The following EYA4 variants were observed in gnomAD, a reference collection of about 807,000 sequenced individuals.
EYA4 encodes the protein EYA transcriptional coactivator and phosphatase 4.
A neutral mutation model predicts 87.9 loss-of-function variants in EYA4; 31 were observed. That is an observed-to-expected ratio of 0.35 (90% CI 0.27 to 0.48). EYA4 has a LOEUF of 0.48. Ranked by LOEUF, EYA4 falls within the 20% of genes least tolerant of loss-of-function variation. EYA4 has a pLI of 0.99. For synonymous variants in EYA4, 263 were observed against 270.6 expected, an observed-to-expected ratio of 0.97 and a Z score of 0.28; for missense variants, 678 against 761.4, an observed-to-expected ratio of 0.89 and a Z score of 1.29.
At chr6:133,497,139 T>G (rs1187336847) in intron 13 of EYA4, among the ~76,000 whole-genome samples, 5 of 152,164 alleles carry the variant, frequency 3.3e-5, no homozygotes, top group Admixed American at 3.3e-4. Context: ...TGTGATTGAT[T>G]GGTACTACCA....
intron 2 of EYA4, among the ~76,000 whole-genome samples, chr6:133,366,630 A>G (rs2128456714): frequency 6.6e-6 from 1 of 152,374 alleles, no homozygotes; most frequent in South Asian, 2.1e-4. Context: ...CAAATGGCAA[A>G]TGAAATGATT....
chr6:133,354,316 G>A (rs542299748), intron 2 of EYA4, among the ~76,000 whole-genome samples: 1 of 152,074 alleles, frequency 6.6e-6, no homozygotes, highest in African/African-American at 2.4e-5. Context: ...CATACTACCA[G>A]TAATAATAGT....
At chr6:133,428,434 A>G (rs1444293717) in intron 3 of EYA4, among the ~76,000 whole-genome samples, 4 of 152,212 alleles carry the variant, frequency 2.6e-5, no homozygotes, top group South Asian at 4.1e-4. Flanking sequence ...ACCAGGAAAG[A>G]GTAGTTGTAT....
chr6:133,492,900 G>T (rs916572828), intron 13 of EYA4, among the ~76,000 whole-genome samples: 5 of 151,988 alleles, frequency 3.3e-5, no homozygotes, highest in African/African-American at 1.2e-4. Flanking sequence ...CCAAAGAAAT[G>T]AAAGATCTCT....
At chr6:133,519,073 C>T (rs1045693827) in intron 17 of EYA4, among the ~76,000 whole-genome samples, 1 of 151,492 alleles carries the variant, frequency 6.6e-6, no homozygotes. Flanking sequence ...ACCCTAACAT[C>T]GCAATTAAAA....
intron 2 of EYA4, among the ~76,000 whole-genome samples, chr6:133,321,464 T>C (rs1781085915): frequency 6.6e-6 from 1 of 152,222 alleles, no homozygotes; most frequent in Non-Finnish European, 1.5e-5. Context: ...TTTAAATTTA[T>C]AATGCTTTTA....
chr6:133,359,571 G>A lies in EYA4; in HGVS notation c.34-22821G>A, dbSNP rs536605946. 3.3e-5 allele frequency among the ~76,000 whole-genome samples: 5 copies of A among 152,326 alleles called. No homozygotes were observed. In the East Asian group the frequency reaches 9.6e-4, roughly 29 times the overall value. The stretch of plus-strand genomic sequence containing the variant: ...GTTTAGTTTATTAGGCACGTGTAAA[G>A]TAATAGCCAATGGCTTCTGTGTGAG... On this transcript the variant is annotated intron_variant, in intron 2 of 19. Transcript: ENST00000355286.
Position 133,442,887 on chromosome 6 carries a change from T to C in EYA4, c.84-3743T>C, listed in dbSNP as rs949010975. Among the ~76,000 whole-genome samples, 3 of 152,242 alleles carry C rather than the reference T, an allele frequency of 2.0e-5. 1 individual carries two copies. In the South Asian group the frequency reaches 6.2e-4, roughly 32 times the overall value. On this transcript the variant is annotated intron_variant, in intron 3 of 19. Coordinates refer to ENST00000355286, the MANE Select transcript of EYA4 (RefSeq NM_004100.5). ...ATGGATGATGAATATTGTCAAATTTTTTTTGCACTCATGGAAATAATATTA... is the reference window on the plus strand; with the variant it reads ...ATGGATGATGAATATTGTCAAATTTCTTTTGCACTCATGGAAATAATATTA...
At chr6:133,245,447 C>T (rs957186238) in intron 1 of EYA4, among the ~76,000 whole-genome samples, 10 of 152,146 alleles carry the variant, frequency 6.6e-5, no homozygotes, top group African/African-American at 2.4e-4. Context: ...ACTCTTATAA[C>T]GTGCCTCCCT....
intron 3 of EYA4, among the ~76,000 whole-genome samples, chr6:133,390,409 G>T (rs987085280): frequency 3.3e-5 from 5 of 152,056 alleles, no homozygotes; most frequent in Admixed American, 3.3e-4. Flanking sequence ...TTTAGTTGAG[G>T]TGGGGTTTTG....
intron 13 of EYA4, among the ~76,000 whole-genome samples, chr6:133,491,397 G>A (rs1015530909): frequency 6.6e-6 from 1 of 151,866 alleles, no homozygotes; most frequent in African/African-American, 2.4e-5. Flanking sequence ...AAACAAAATA[G>A]ACAAATCTTT....
At chr6:133,318,681 A>G (rs1780813045) in intron 2 of EYA4, among the ~76,000 whole-genome samples, 1 of 148,862 alleles carries the variant, frequency 6.7e-6, no homozygotes, top group African/African-American at 2.5e-5. Flanking sequence ...GGCAGCTTTG[A>G]CTGCCCTTTT....
chr6:133,479,435 T>TGACA (rs1302993557), intron 11 of EYA4, among the ~76,000 whole-genome samples: 1 of 152,230 alleles, frequency 6.6e-6, no homozygotes, highest in African/African-American at 2.4e-5. Flanking sequence ...GATCATGTGC[T>TGACA]GACATGCACA....
chr6:133,418,177 A>C (rs1330966663), intron 3 of EYA4, among the ~76,000 whole-genome samples: 1 of 152,044 alleles, frequency 6.6e-6, no homozygotes, highest in Non-Finnish European at 1.5e-5. Flanking sequence ...AGCCATATAC[A>C]CTCTAAATCT....
chr6:133,490,383 T>TA (rs1292714044), intron 13 of EYA4, among the ~76,000 whole-genome samples: 97 of 138,408 alleles, frequency 7.0e-4, no homozygotes, highest in East Asian at 2.5e-3. Context: ...CTGAATAGAT[T>TA]AAAAAAAAAC....
At chr6:133,267,462 A>G (rs1776314934) in intron 1 of EYA4, among the ~76,000 whole-genome samples, 1 of 151,904 alleles carries the variant, frequency 6.6e-6, no homozygotes, top group South Asian at 2.1e-4. Flanking sequence ...GGCACACTGC[A>G]ACCTCCGCCT....
chr6:133,473,487 T>C (rs925334156), intron 11 of EYA4, among the ~76,000 whole-genome samples: 1 of 152,074 alleles, frequency 6.6e-6, no homozygotes, highest in African/African-American at 2.4e-5. Context: ...ACTGATATTT[T>C]AAGCAACAGC....
chr6:133,440,850 A>G (rs1244818996), intron 3 of EYA4, among the ~76,000 whole-genome samples: 3 of 152,196 alleles, frequency 2.0e-5, no homozygotes, highest in Non-Finnish European at 4.4e-5. Flanking sequence ...TGTAAAGAGA[A>G]GACATATAAT....
chr6:133,411,064 T>G (rs940449862), intron 3 of EYA4, among the ~76,000 whole-genome samples: 1 of 152,058 alleles, frequency 6.6e-6, no homozygotes, highest in Admixed American at 6.5e-5. Flanking sequence ...TTGAACTGTT[T>G]ACTTACAAGC....
Sources: allele counts gnomAD v4.1 joint callset (sites outside exome capture counted in the v4.1 genomes callset), GRCh38; gene constraint gnomAD v4.1.1; transcripts MANE v1.5; gene names NCBI Gene and HGNC (gene_info 2026-07-23, HGNC 2026-07-21).